The following KCNK13 variants were observed in gnomAD, a reference collection of about 807,000 sequenced individuals.
The protein encoded by KCNK13 is potassium channel subfamily K member 13.
KCNK13 carries 12 observed loss-of-function variants against 23.4 expected under a neutral mutation model. The observed-to-expected ratio is 0.51, with a 90% CI of 0.33 to 0.83. The LOEUF is 0.83. Ranked by LOEUF, KCNK13 falls within the 40% of genes least tolerant of loss-of-function variation. KCNK13 has a pLI of 0.02. For missense variants in KCNK13, 463 were observed against 556.3 expected, an observed-to-expected ratio of 0.83 and a Z score of 1.69; for synonymous variants, 231 against 229.5, an observed-to-expected ratio of 1.01 and a Z score of -0.06.
chr14:90,122,157 C>G (rs2140417858), intron 1 of KCNK13, among the ~76,000 whole-genome samples: 1 of 152,122 alleles, frequency 6.6e-6, no homozygotes, highest in Non-Finnish European at 1.5e-5. Context: ...CCTTACTGGA[C>G]ATTTAGATTT....
intron 1 of KCNK13, among the ~76,000 whole-genome samples, chr14:90,150,134 T>G (rs1890119035): frequency 6.6e-6 from 1 of 152,120 alleles, no homozygotes; most frequent in African/African-American, 2.4e-5. Context: ...TAAACTGACT[T>G]GAAGTACGCT....
chr14:90,170,552 T>C (rs1466567702), intron 1 of KCNK13, among the ~76,000 whole-genome samples: 2 of 152,142 alleles, frequency 1.3e-5, no homozygotes, highest in Non-Finnish European at 2.9e-5. Flanking sequence ...AAGTTAAGCA[T>C]GCGTGCCAGG....
In KCNK13 at chr14:90,062,225, G is replaced by A. The variant is rs758359556; in HGVS notation, c.20G>A (p.Ser7Asn). 51 of 1,478,092 alleles carry A rather than the reference G, an allele frequency of 3.5e-5. No individual in the cohort carries two copies. The highest frequency in any genetic ancestry group is 4.3e-5 in the Non-Finnish European group (48 of 1,120,242). The allele number at this position is 1,478,092 out of a possible 1,614,324, so 91.6% of individuals were successfully genotyped here. MAGRGF[S>N]WGPGHLNEDN... ...CCGGCCATGGCTGGCCGGGGTTTCA[G>A]CTGGGGCCCGGGCCACCTGAACGAG... The change falls in exon 1 of 2, where the codon AGC becomes AAC. Residue 7 changes from serine to asparagine, a missense_variant. Ser to Asn is a conservative substitution (Grantham distance 46). Transcript: ENST00000282146. The surrounding 1 kb of genome is among the most constrained non-coding windows in gnomAD (Gnocchi z 4.5).
chr14:90,140,619 A>G (rs1334548355), intron 1 of KCNK13, among the ~76,000 whole-genome samples: 1 of 152,142 alleles, frequency 6.6e-6, no homozygotes, highest in Non-Finnish European at 1.5e-5. Context: ...GCCCTTGAAA[A>G]TCCCACAGGA....
At chr14:90,100,088 T>A (rs937005573) in intron 1 of KCNK13, among the ~76,000 whole-genome samples, 3 of 152,184 alleles carry the variant, frequency 2.0e-5, no homozygotes, top group Non-Finnish European at 4.4e-5. Context: ...ATGTTCTGTG[T>A]TAGGAAGTAC....
chr14:90,087,512 A>T (rs1889295065), intron 1 of KCNK13, among the ~76,000 whole-genome samples: 1 of 152,172 alleles, frequency 6.6e-6, no homozygotes, highest in African/African-American at 2.4e-5. Flanking sequence ...GCTAGTTTTG[A>T]ATGAAGAGAA....
At chr14:90,160,699 C>T (rs1282040388) in intron 1 of KCNK13, among the ~76,000 whole-genome samples, 3 of 151,686 alleles carry the variant, frequency 2.0e-5, no homozygotes, top group East Asian at 1.9e-4. Context: ...AAAAATTAGC[C>T]GGGCATGGTG....
chr14:90,107,607 G>A (rs1889561803), intron 1 of KCNK13: 1 of 535,724 alleles, frequency 1.9e-6, no homozygotes, highest in Non-Finnish European at 3.4e-6. Context: ...CAAGAATTAG[G>A]TTTGGCTCAA....
chr14:90,100,011 T>G (rs955232774), intron 1 of KCNK13, among the ~76,000 whole-genome samples: 5 of 152,216 alleles, frequency 3.3e-5, no homozygotes, highest in Admixed American at 1.3e-4. Flanking sequence ...CTGTTCTGTT[T>G]GCACATTACC....
intron 1 of KCNK13, among the ~76,000 whole-genome samples, chr14:90,162,507 G>A (rs1299058039): frequency 1.3e-5 from 2 of 152,164 alleles, no homozygotes; most frequent in Non-Finnish European, 2.9e-5. Flanking sequence ...GAGGAAAACT[G>A]GGTAAAGTAT....
chr14:90,129,635 G>A (rs1351210594), intron 1 of KCNK13, among the ~76,000 whole-genome samples: 4 of 152,090 alleles, frequency 2.6e-5, no homozygotes, highest in African/African-American at 9.7e-5. Flanking sequence ...CTATGTTGCT[G>A]TGACACTTTA....
At chr14:90,178,763 G>A (rs548626978) in intron 1 of KCNK13, among the ~76,000 whole-genome samples, 24 of 152,136 alleles carry the variant, frequency 1.6e-4, no homozygotes, top group South Asian at 1.0e-3. Context: ...TTATGTCCTC[G>A]TGTAGCATTT....
At chr14:90,107,605 A>G in intron 1 of KCNK13, 1 of 530,224 alleles carries the variant, frequency 1.9e-6, no homozygotes. Context: ...AACAAGAATT[A>G]GGTTTGGCTC....
At chr14:90,178,263 C>G (rs1184025153) in intron 1 of KCNK13, among the ~76,000 whole-genome samples, 1 of 146,176 alleles carries the variant, frequency 6.8e-6, no homozygotes, top group Non-Finnish European at 1.5e-5. Flanking sequence ...AAAAGGATAC[C>G]CTGATGTGAT....
intron 1 of KCNK13, among the ~76,000 whole-genome samples, chr14:90,140,137 G>A (rs893071211): frequency 2.0e-5 from 3 of 152,094 alleles, no homozygotes; most frequent in East Asian, 1.9e-4. Flanking sequence ...GACTGGAGAC[G>A]TAAGGGTTAA....
At chr14:90,182,820 C>A (rs76639648) in intron 1 of KCNK13, among the ~76,000 whole-genome samples, 70 of 131,976 alleles carry the variant, frequency 5.3e-4, no homozygotes, top group African/African-American at 1.6e-3. Context: ...AAGATCCCAT[C>A]TCTTTAAAAA....
intron 1 of KCNK13, among the ~76,000 whole-genome samples, chr14:90,078,422 AAAAAAAAAGAAAG>A (rs1185978031): frequency 3.5e-4 from 53 of 151,922 alleles, no homozygotes; most frequent in African/African-American, 1.1e-3. Context: ...AGTCTCAAAA[AAAAAAAAAGAAAG>A]AAAAAAAAGA....
chr14:90,131,227 T>C (rs979886462), intron 1 of KCNK13, among the ~76,000 whole-genome samples: 33 of 152,084 alleles, frequency 2.2e-4, no homozygotes, highest in African/African-American at 7.7e-4. Context: ...TTTATTTATT[T>C]ATTCATTATT....
chr14:90,100,527 C>T (rs1596777692), intron 1 of KCNK13, among the ~76,000 whole-genome samples: 1 of 152,206 alleles, frequency 6.6e-6, no homozygotes, highest in African/African-American at 2.4e-5. Flanking sequence ...TTAGGGAGGC[C>T]GCAAAGTGTG....
Sources: gnomAD v4.1 joint callset for allele counts (sites outside exome capture counted in the v4.1 genomes callset) on GRCh38, gnomAD v4.1.1 for gene constraint, Gnocchi (gnomAD v3.1) non-coding constraint, MANE v1.5 for transcripts, NCBI Gene and HGNC (gene_info 2026-07-23, HGNC 2026-07-21) for gene names.